CNOT1: variants seen among roughly 807,000 people sequenced by gnomAD.
The protein encoded by CNOT1 is CCR4-associated factor 1.
In CNOT1, 15 loss-of-function variants were observed where a neutral mutation model predicts 273.8. The observed-to-expected ratio is 0.05, with a 90% CI of 0.04 to 0.08. The LOEUF (loss-of-function observed/expected upper bound fraction) is 0.08. Ranked by LOEUF, CNOT1 falls within the 10% of genes least tolerant of loss-of-function variation. The pLI, the probability that CNOT1 is intolerant of heterozygous loss-of-function variation, is 1.00. For missense variants in CNOT1, 1,644 were observed against 2,912.2 expected (o/e 0.56, Z 10.02); for synonymous variants, 1,022 against 1,005.5 (o/e 1.02, Z -0.31).
At chr16:58,550,046 T>C in intron 24 of CNOT1, 148 bp from the exon 25 acceptor site, 1 of 1,266,498 alleles carries the variant, frequency 7.9e-7, no homozygotes, top group Non-Finnish European at 1.1e-6. Flanking sequence ...AGATAGATGC[T>C]ATGAAGAAAA....
At chr16:58,574,827 C>T in intron 15 of CNOT1, 67 bp from the exon 16 acceptor site, 6 of 1,570,910 alleles carry the variant, frequency 3.8e-6, no homozygotes, top group Non-Finnish European at 4.3e-6. Flanking sequence ...TTAAAGATAA[C>T]TACTAAGCAC....
chr16:58,538,929 A>C lies in CNOT1; in HGVS notation c.4993-15T>G. On this transcript the variant is annotated splice_polypyrimidine_tract_variant and intron_variant, in intron 35 of 48. Coordinates refer to ENST00000317147, the MANE Select transcript of CNOT1 (RefSeq NM_016284.5). Reference sequence around the variant, plus strand: ...CCCTCTACAGCCTATGGGAGAAAGAAAGCGTTCAAAACCATGAAAAATACA... The same window carrying C: ...CCCTCTACAGCCTATGGGAGAAAGACAGCGTTCAAAACCATGAAAAATACA... 1.2e-6 allele frequency: 2 copies of C among 1,608,578 alleles called. No individual in the cohort carries two copies. The highest frequency in any genetic ancestry group is 1.7e-6 in the Non-Finnish European group (2 of 1,178,112).
chr16:58,545,102 T>C (rs1255483600), intron 30 of CNOT1, among the ~76,000 whole-genome samples: 1 of 152,236 alleles, frequency 6.6e-6, no homozygotes, highest in African/African-American at 2.4e-5. Flanking sequence ...GAGATTGTGA[T>C]TTTATTGCTA....
chr16:58,589,823 G>A (rs760159474), intron 2 of CNOT1, among the ~76,000 whole-genome samples: 13 of 152,122 alleles, frequency 8.5e-5, no homozygotes, highest in Admixed American at 5.2e-4. Flanking sequence ...ATTTACCCAT[G>A]TTTGTTTCTA....
chr16:58,625,753 G>A (rs2043546544), intron 1 of CNOT1, among the ~76,000 whole-genome samples: 1 of 151,506 alleles, frequency 6.6e-6, no homozygotes, highest in African/African-American at 2.4e-5. Context: ...CAGCTACTCA[G>A]GGGCTGAGGT....
intron 16 of CNOT1, among the ~76,000 whole-genome samples, chr16:58,567,720 G>A (rs1226325321): frequency 6.6e-6 from 1 of 152,132 alleles, no homozygotes; most frequent in Non-Finnish European, 1.5e-5. Flanking sequence ...AGACTATCAA[G>A]TTTTCTAGCA....
intron 39 of CNOT1, among the ~76,000 whole-genome samples, chr16:58,536,447 AT>A: frequency 6.6e-6 from 1 of 152,262 alleles, no homozygotes. Context: ...GCCAAACTTG[AT>A]TTTCAGTTAG....
At chr16:58,526,418 C>G (rs40359) in intron 44 of CNOT1, among the ~76,000 whole-genome samples, 99,482 of 150,460 alleles carry the variant, frequency 0.66, 34,167 homozygotes, top group East Asian at 0.97. Flanking sequence ...TCTTGGACTT[C>G]GGTTTCAAAA....
intron 1 of CNOT1, among the ~76,000 whole-genome samples, chr16:58,600,816 T>C (rs1020216908): frequency 6.6e-6 from 1 of 152,216 alleles, no homozygotes; most frequent in Non-Finnish European, 1.5e-5. Flanking sequence ...CAAATGTGGC[T>C]GTGCAGTGGC....
chr16:58,543,296 G>C, intron 31 of CNOT1: 1 of 1,546,888 alleles, frequency 6.5e-7, no homozygotes, highest in Non-Finnish European at 8.7e-7. Context: ...ATCCTTCCTG[G>C]TTAACAGAAA....
At chr16:58,526,817 CAAAAAAA>C (rs58419483) in intron 44 of CNOT1, among the ~76,000 whole-genome samples, 3 of 88,150 alleles carry the variant, frequency 3.4e-5, no homozygotes, top group Non-Finnish European at 7.4e-5. Context: ...AACTCCGTCT[CAAAAAAA>C]AAAAAAAAAA....
intron 1 of CNOT1, among the ~76,000 whole-genome samples, chr16:58,620,274 G>C (rs2043259459): frequency 6.6e-6 from 1 of 152,094 alleles, no homozygotes; most frequent in Non-Finnish European, 1.5e-5. Flanking sequence ...AAGGAAATTA[G>C]GTATTTATAG....
chr16:58,527,836 C>G (rs2039647584), intron 44 of CNOT1: 1 of 203,808 alleles, frequency 4.9e-6, no homozygotes, highest in Admixed American at 5.8e-5. Context: ...GAGACTATGG[C>G]AGGGCGTGGT....
chr16:58,581,460 T>G lies in CNOT1; in HGVS notation c.1100A>C (p.Gln367Pro). 1 of 1,614,112 alleles carries G rather than the reference T, an allele frequency of 6.2e-7. No individual in the cohort carries two copies. The highest frequency in any genetic ancestry group is 8.5e-7 in the Non-Finnish European group (1 of 1,180,002). Residue 367 changes from glutamine to proline, a missense_variant, in exon 11 of 49, where the codon CAA (glutamine) becomes CCA (proline). Gln to Pro is a moderately conservative substitution (Grantham distance 76, BLOSUM62 -1). Coordinates refer to ENST00000317147, the MANE Select transcript of CNOT1 (RefSeq NM_016284.5). ...VTYELDHPGF[Q>P]IRDSKGLHNV... The stretch of plus-strand genomic sequence containing the variant: ...ATGAAGTCCTTTACTGTCACGAATT[T>G]GAAATCCAGGATGGTCCAGTTCATA...
chr16:58,582,987 A>G, intron 9 of CNOT1, 69 bp downstream of exon 9: 2 of 1,606,608 alleles, frequency 1.2e-6, no homozygotes, highest in South Asian at 1.1e-5. Context: ...TCATACTGTA[A>G]TTTAATTAAA....
Position 58,520,801 on chromosome 16 carries a change from TAAGAC to T in CNOT1, c.*152_*156del. 1 of 721,176 alleles carries T rather than the reference TAAGAC, an allele frequency of 1.4e-6. No homozygotes were observed. Among genetic ancestry groups the T allele is most frequent in the East Asian group, 2.6e-5 (1 of 37,918 alleles). 44.7% of individuals were successfully genotyped at this position (721,176 alleles called of 1,614,324 possible). A position where few individuals can be genotyped will look rare whatever the true frequency, so the allele number is the denominator to read the frequency against. ...ATTTAAACTTTGGAACGTGCCCACA[TAAGAC>T]AGGAGGCTGATCCCAACAGTAGTTG... On this transcript the variant is annotated 3_prime_UTR_variant, in exon 49 of 49. Transcript: ENST00000317147.
chr16:58,590,314 C>T (rs753563153), intron 2 of CNOT1, among the ~76,000 whole-genome samples: 2 of 152,194 alleles, frequency 1.3e-5, no homozygotes, highest in Non-Finnish European at 2.9e-5. Flanking sequence ...AGTCCAACTT[C>T]AAAGCCTATG....
intron 27 of CNOT1, 79 bp from the exon 28 acceptor site, chr16:58,546,828 T>TA (rs1380369212): frequency 6.4e-7 from 1 of 1,568,202 alleles, no homozygotes; most frequent in African/African-American, 1.4e-5. Context: ...CAATACAACA[T>TA]AAGGGGGTAG....
At chr16:58,615,336 A>T (rs1007607) in intron 1 of CNOT1, among the ~76,000 whole-genome samples, 74,634 of 123,802 alleles carry the variant, frequency 0.6, 30,372 homozygotes, top group African/African-American at 0.79. Flanking sequence ...TTAGAATACA[A>T]TTCTCAGCTT....
Sources: allele counts gnomAD v4.1 joint callset (sites outside exome capture counted in the v4.1 genomes callset), GRCh38; gene constraint gnomAD v4.1.1; transcripts MANE v1.5; gene names NCBI Gene and HGNC (gene_info 2026-07-23, HGNC 2026-07-21).